The following UBR4 variants were observed in gnomAD, a reference collection of about 807,000 sequenced individuals.
UBR4 encodes the protein E3 ubiquitin-protein ligase UBR4.
A neutral mutation model predicts 575.6 loss-of-function variants in UBR4; 124 were observed. The ratio of observed to expected loss-of-function variants is 0.22; its 90% confidence interval spans 0.19 to 0.25. UBR4 has a LOEUF of 0.25. Ranked by LOEUF, UBR4 falls within the 10% of genes least tolerant of loss-of-function variation. The pLI, the probability that UBR4 is intolerant of heterozygous loss-of-function variation, is 1.00. For missense variants in UBR4, 4,818 were observed against 6,478.8 expected (o/e 0.74, Z 8.80); for synonymous variants, 2,455 against 2,473.7 (o/e 0.99, Z 0.22).
chr1:19,154,254 A>T (rs973662788), intron 44 of UBR4, among the ~76,000 whole-genome samples: 1 of 152,196 alleles, frequency 6.6e-6, no homozygotes, highest in African/African-American at 2.4e-5. Context: ...CTAATGACCC[A>T]TTGTCCTATC....
At chr1:19,086,632 A>C in intron 100 of UBR4, 47 bp downstream of exon 100, 1 of 1,604,876 alleles carries the variant, frequency 6.2e-7, no homozygotes, top group Non-Finnish European at 8.5e-7. Context: ...CTCCAGGCCC[A>C]CAGGCAGGCC....
In UBR4 at chr1:19,208,065, G is replaced by A. The variant is rs187151860; in HGVS notation, c.176+2008C>T. Among the ~76,000 whole-genome samples the A allele has an allele frequency of 1.5e-4, 23 of 152,290 alleles. No homozygotes were observed. The East Asian group carries it at 3.7e-3, about 24-fold the overall frequency. On this transcript the variant is annotated intron_variant, in intron 1 of 105. Coordinates refer to ENST00000375254, the MANE Select transcript of UBR4 (RefSeq NM_020765.3). ...TCACTGTAAAGAACTTGTAAGCCAG[G>A]TATTTCTTCTGGAAATTTTTCTTTA...
chr1:19,096,289 AG>A (rs1363340174), intron 92 of UBR4, among the ~76,000 whole-genome samples: 1 of 152,208 alleles, frequency 6.6e-6, no homozygotes, highest in Non-Finnish European at 1.5e-5. Context: ...GGGGAAAGAC[AG>A]TCAGATGCTG....
chr1:19,092,082 C>T lies in UBR4; in HGVS notation c.14211+737G>A, dbSNP rs549106254. ...GAAATGGAGAACACATCGGTGGGTGCCAGGGGCTTGTGGCAGGGGAGCAGG... is the reference window on the plus strand; with the variant it reads ...GAAATGGAGAACACATCGGTGGGTGTCAGGGGCTTGTGGCAGGGGAGCAGG... On this transcript the variant is annotated intron_variant, in intron 97 of 105. Transcript: ENST00000375254. 2.6e-4 allele frequency among the ~76,000 whole-genome samples: 40 copies of T among 152,126 alleles called. 1 individual carries two copies. The South Asian group carries it at 7.5e-3, about 28-fold the overall frequency.
Position 19,115,261 on chromosome 1 carries a change from T to C in UBR4, c.11063+137A>G, listed in dbSNP as rs562913069. ...CTTCTTCCTCCTCCCTTTCTACCCT[T>C]GAACCCACTCTACAAACCCATAATT... is the stretch of plus-strand genomic sequence containing the variant. On this transcript the variant is annotated intron_variant, in intron 74 of 105. Coordinates refer to ENST00000375254, the MANE Select transcript of UBR4 (RefSeq NM_020765.3). The C allele has an allele frequency of 8.0e-4, 1,063 of 1,323,366 alleles. 20 individuals carry two copies. In the South Asian group the frequency reaches 0.013, roughly 17 times the overall value. 82.0% of individuals were successfully genotyped at this position (1,323,366 alleles called of 1,614,324 possible).
chr1:19,134,850 C>G (rs2083013951), intron 60 of UBR4, among the ~76,000 whole-genome samples: 1 of 152,150 alleles, frequency 6.6e-6, no homozygotes, highest in Non-Finnish European at 1.5e-5. Flanking sequence ...CACCCCCGAC[C>G]CCACTCTAGC....
intron 65 of UBR4, among the ~76,000 whole-genome samples, chr1:19,124,117 G>C (rs1020449974): frequency 2.0e-5 from 3 of 152,130 alleles, no homozygotes; most frequent in African/African-American, 7.2e-5. Context: ...CATCCCCTCA[G>C]GGAACCCACT....
In UBR4 at chr1:19,165,740, A is replaced by T; in HGVS notation, c.4127T>A (p.Ile1376Asn). Residue 1376 changes from isoleucine to asparagine, a missense_variant, in exon 30 of 106, where the codon ATC becomes AAC. By Grantham distance (149) the Ile-to-Asn change is moderately radical. Around this residue, in one of 29 missense-constraint regions of UBR4, gnomAD observed 1,172 missense variants for 1,259.7 expected, o/e 0.93. Coordinates refer to ENST00000375254, the MANE Select transcript of UBR4 (RefSeq NM_020765.3). ...CAAGTACTGGAGACATTCCTCCAGG[A>T]TGGATTCATCCAGTCCACTGAGGAT... Reference protein sequence around the residue: ...ADPNSGLDESILEECLQYLEK... With the variant: ...ADPNSGLDESNLEECLQYLEK... The T allele has an allele frequency of 6.2e-7, 1 of 1,614,108 alleles. No individual in the cohort carries two copies. The highest frequency in any genetic ancestry group is 8.5e-7 in the Non-Finnish European group (1 of 1,180,006).
Position 19,164,370 on chromosome 1 carries a change from T to C in UBR4, c.4583A>G (p.Asn1528Ser), listed in dbSNP as rs1254023564. 2.5e-6 allele frequency: 4 copies of C among 1,614,080 alleles called. No individual in the cohort carries two copies. The highest frequency in any genetic ancestry group is 1.3e-5 in the African/African-American group (1 of 74,940). The change falls in exon 33 of 106, where the codon AAC becomes AGC. Residue 1528 changes from asparagine (N) to serine (S), a missense_variant. Asn to Ser is a conservative substitution (Grantham distance 46). Coordinates refer to ENST00000375254, the MANE Select transcript of UBR4 (RefSeq NM_020765.3). ...TTCAGGGAAGCCAGTCCCATCACCGTTGGCCAGCATCTCTGTTGCCATGGG... is the reference window on the plus strand; with the variant it reads ...TTCAGGGAAGCCAGTCCCATCACCGCTGGCCAGCATCTCTGTTGCCATGGG... Reference protein sequence around the residue: ...LTPMATEMLANGDGTGFPELM... With the variant: ...LTPMATEMLASGDGTGFPELM...
At position 19,198,895 on chromosome 1, in the gene UBR4, T is replaced by C; in HGVS notation, c.412A>G (p.Thr138Ala). 2 of 1,614,224 alleles carry C rather than the reference T, an allele frequency of 1.2e-6. No homozygotes were observed. Among genetic ancestry groups the C allele is most frequent in the East Asian group, 2.2e-5 (1 of 44,890 alleles). Residue 138 changes from threonine to alanine, a missense_variant, in exon 4 of 106, where the codon ACT (threonine) becomes GCT (alanine). This residue lies in a region of UBR4 where 85 missense variants were observed against 134.2 expected (regional missense o/e 0.63). Transcript: ENST00000375254. Reference sequence around the variant, plus strand: ...GTTCTATCTAGTCGGCTACAGCCAGTGCACAGGCCCTTGATTAGGAGAATC... The same window carrying C: ...GTTCTATCTAGTCGGCTACAGCCAGCGCACAGGCCCTTGATTAGGAGAATC... ...HLILLIKGLC[T>A]GCSRLDRTEI...
At chr1:19,148,439 C>T in intron 50 of UBR4, 124 bp downstream of exon 50, 1 of 1,282,876 alleles carries the variant, frequency 7.8e-7, no homozygotes, top group Non-Finnish European at 1.1e-6. Flanking sequence ...TCTGGAGCTT[C>T]TTAGCAAATC....
At chr1:19,148,357 C>T (rs1238023398) in intron 50 of UBR4, among the ~76,000 whole-genome samples, 1 of 152,168 alleles carries the variant, frequency 6.6e-6, no homozygotes, top group African/African-American at 2.4e-5. Context: ...TGTACCAACA[C>T]GCATCCTATT....
In UBR4 at chr1:19,117,282, G is replaced by A. The variant is rs1160808491; in HGVS notation, c.10762C>T (p.Arg3588Trp). The A allele has an allele frequency of 3.1e-6, 5 of 1,614,124 alleles. No individual in the cohort carries two copies. The highest frequency in any genetic ancestry group is 4.2e-6 in the Non-Finnish European group (5 of 1,180,030). Residue 3588 changes from arginine (R) to tryptophan (W), a missense_variant, in exon 73 of 106, where the codon CGG becomes TGG. Around this residue, in one of 29 missense-constraint regions of UBR4, gnomAD observed 550 missense variants for 791.5 expected, o/e 0.69. Coordinates refer to ENST00000375254, the MANE Select transcript of UBR4 (RefSeq NM_020765.3). The surrounding 1 kb of genome is among the most constrained non-coding windows in gnomAD (Gnocchi z 4.0). ...IGDLKRTKMV[R>W]TINLYYNNRT... ...TTGTTATAATACAGGTTGATGGTCC[G>A]CACCATCTTGGTCCGTTTCAGATCC...
chr1:19,117,688 G>A lies in UBR4; in HGVS notation c.10629+135C>T. ...AGTTTCTATTTAAGGTAATAAATGT[G>A]GCAGATAAAAATTCCTACTATCGGT... On this transcript the variant is annotated intron_variant, in intron 72 of 105. Transcript: ENST00000375254. This position sits in a 1 kb window ranked among gnomAD's most constrained non-coding sequence, Gnocchi z 4.0. The A allele has an allele frequency of 5.4e-6, 5 of 931,550 alleles. No individual in the cohort carries two copies. Among genetic ancestry groups the A allele is most frequent in the Non-Finnish European group, 8.4e-6 (5 of 598,312 alleles). 57.7% of individuals were successfully genotyped at this position (931,550 alleles called of 1,614,324 possible).
chr1:19,114,690 G>A, intron 75 of UBR4, 121 bp downstream of exon 75: 1 of 1,310,100 alleles, frequency 7.6e-7, no homozygotes, highest in African/African-American at 1.5e-5. Flanking sequence ...GCTGGGCCCT[G>A]AAACTGGTGT....
chr1:19,180,095 G>C (rs1357100170), intron 17 of UBR4, among the ~76,000 whole-genome samples: 1 of 152,208 alleles, frequency 6.6e-6, no homozygotes, highest in African/African-American at 2.4e-5. Context: ...GCCAGGCAGA[G>C]ACAGGAAGTA....
intron 94 of UBR4, 120 bp from the exon 95 acceptor site, chr1:19,094,259 CTA>C: frequency 1.5e-6 from 1 of 677,508 alleles, no homozygotes; most frequent in South Asian, 2.2e-5. Flanking sequence ...CCTAGAAGAA[CTA>C]TGTCTCGGCA....
chr1:19,150,997 C>T (rs569548393), intron 48 of UBR4: 10 of 604,236 alleles, frequency 1.7e-5, no homozygotes, highest in Admixed American at 3.0e-5. Context: ...GACCAAAAGC[C>T]GATTACGTCT....
chr1:19,198,418 T>C, intron 5 of UBR4, 123 bp downstream of exon 5: 1 of 1,335,154 alleles, frequency 7.5e-7, no homozygotes, highest in Non-Finnish European at 1.0e-6. Context: ...CTCAATTTCT[T>C]TTGTCCCACA....
Sources: allele counts gnomAD v4.1 joint callset (sites outside exome capture counted in the v4.1 genomes callset), GRCh38; gene constraint gnomAD v4.1.1; regional missense constraint gnomAD v4.1.1; non-coding constraint Gnocchi (gnomAD v3.1); transcripts MANE v1.5; gene names NCBI Gene and HGNC (gene_info 2026-07-23, HGNC 2026-07-21).